The following SOX5 variants were observed in gnomAD, a reference collection of about 807,000 sequenced individuals.
The protein encoded by SOX5 is transcription factor SOX-5.
A neutral mutation model predicts 92.0 loss-of-function variants in SOX5; 9 were observed. The ratio of observed to expected loss-of-function variants is 0.10; its 90% CI spans 0.06 to 0.17. SOX5 has a LOEUF of 0.17. SOX5 is among the 10% of genes least tolerant of loss of function. The pLI, the probability that SOX5 is intolerant of heterozygous loss-of-function variation, is 1.00. For missense variants in SOX5, 642 were observed against 944.5 expected, an observed-to-expected ratio of 0.68 and a Z score of 4.20; for synonymous variants, 344 against 336.3, an observed-to-expected ratio of 1.02 and a Z score of -0.25.
At chr12:24,524,367 C>G (rs1052557829) in intron 1 of SOX5, among the ~76,000 whole-genome samples, 3 of 151,876 alleles carry the variant, frequency 2.0e-5, no homozygotes, top group African/African-American at 7.3e-5. Context: ...ATCTATCTAT[C>G]TATCTATCTA....
At chr12:24,028,748 T>C (rs924162333) in intron 4 of SOX5, among the ~76,000 whole-genome samples, 4 of 152,052 alleles carry the variant, frequency 2.6e-5, no homozygotes, top group South Asian at 2.1e-4. Flanking sequence ...CTGTGAATGA[T>C]TGAAGACTGA....
intron 4 of SOX5, among the ~76,000 whole-genome samples, chr12:23,966,347 C>T (rs536422877): frequency 1.3e-4 from 19 of 150,414 alleles, no homozygotes; most frequent in Non-Finnish European, 2.8e-4. Context: ...AAATTTTGTT[C>T]AGTAACTGTC....
In SOX5 at chr12:24,444,221, A is replaced by G. The variant is rs553974671; in HGVS notation, c.-250-75582T>C. On this transcript the variant is annotated intron_variant, in intron 1 of 4. Coordinates refer to the SOX5 transcript ENST00000446891. ...TTAAAGGTGCATTTAAAGTTTGAACAGAAGAAACTAGCATTTACTAAGTAC... is the reference window on the plus strand; with the variant it reads ...TTAAAGGTGCATTTAAAGTTTGAACGGAAGAAACTAGCATTTACTAAGTAC... 4.6e-5 allele frequency among the ~76,000 whole-genome samples: 7 copies of G among 152,262 alleles called. No individual in the cohort carries two copies. The South Asian group carries it at 1.2e-3, about 27-fold the overall frequency.
Position 23,811,926 on chromosome 12 carries a change from A to G in SOX5, c.481+34057T>C, listed in dbSNP as rs987122279. On this transcript the variant is annotated intron_variant, in intron 3 of 14. Transcript: ENST00000451604. ...TATCTCTTTGTTAACTTCAGAATAT[A>G]TGAAAAGCTTAGTCAATAAAAACCA... Among the ~76,000 whole-genome samples, 5 of 152,144 alleles carry G rather than the reference A, an allele frequency of 3.3e-5. No homozygotes were observed. In the South Asian group the frequency reaches 1.0e-3, roughly 31 times the overall value.
chr12:24,328,146 G>C (rs1002921052), intron 2 of SOX5, among the ~76,000 whole-genome samples: 1 of 152,150 alleles, frequency 6.6e-6, no homozygotes, highest in Non-Finnish European at 1.5e-5. Flanking sequence ...GTGCCATTTA[G>C]ACTATATTAT....
At chr12:23,830,168 C>T (rs1216323909) in intron 3 of SOX5, among the ~76,000 whole-genome samples, 1 of 152,174 alleles carries the variant, frequency 6.6e-6, no homozygotes, top group African/African-American at 2.4e-5. Context: ...ACTCAGCTAA[C>T]TCAGTGCTAA....
intron 3 of SOX5, among the ~76,000 whole-genome samples, chr12:24,242,893 T>C (rs1454187233): frequency 6.6e-6 from 1 of 152,174 alleles, no homozygotes; most frequent in African/African-American, 2.4e-5. Context: ...CTTAAGTGTA[T>C]ATGTACAAAA....
At chr12:24,209,530 C>T (rs1162558080) in intron 4 of SOX5, among the ~76,000 whole-genome samples, 1 of 151,842 alleles carries the variant, frequency 6.6e-6, no homozygotes, top group Admixed American at 6.6e-5. Flanking sequence ...AAAATCTAAG[C>T]CTAGATAACT....
chr12:23,534,423 T>C lies in SOX5; in HGVS notation c.2088A>G (p.Ser696=). ...MPSPHLPSEH[S]SVSSSPEPGM... The stretch of plus-strand genomic sequence containing the variant: ...CAGGCTCTGGGCTGCTAGACACGCT[T>C]GAGTGCTCCGAGGGCAGGTGAGGGG... Residue 696 remains serine (S), a synonymous_variant, in exon 15 of 15, where the codon TCA becomes TCG. Transcript: ENST00000451604. The C allele has an allele frequency of 6.2e-7, 1 of 1,614,110 alleles. No homozygotes were observed. Among genetic ancestry groups the C allele is most frequent in the East Asian group, 2.2e-5 (1 of 44,864 alleles).
intron 3 of SOX5, among the ~76,000 whole-genome samples, chr12:24,267,960 A>AG (rs1943231348): frequency 6.6e-6 from 1 of 152,178 alleles, no homozygotes; most frequent in Non-Finnish European, 1.5e-5. Flanking sequence ...AGCAAAAAAA[A>AG]CTGTACAGAA....
chr12:24,557,324 G>C (rs1953891593), intron 1 of SOX5, among the ~76,000 whole-genome samples: 2 of 151,140 alleles, frequency 1.3e-5, no homozygotes, highest in South Asian at 4.2e-4. Context: ...GGAGGCGGAG[G>C]GTTCAACATC....
intron 4 of SOX5, among the ~76,000 whole-genome samples, chr12:24,106,254 T>C (rs1216110717): frequency 1.3e-5 from 2 of 149,382 alleles, no homozygotes; most frequent in African/African-American, 2.5e-5. Context: ...AACAACCCAA[T>C]CAAAATGGGC....
intron 2 of SOX5, among the ~76,000 whole-genome samples, chr12:24,364,856 C>T (rs1289944758): frequency 1.3e-5 from 2 of 151,876 alleles, no homozygotes; most frequent in East Asian, 1.9e-4. Context: ...ACGTCTCAGT[C>T]GAAGCAAGAA....
intron 1 of SOX5, among the ~76,000 whole-genome samples, chr12:24,473,526 C>T (rs896996287): frequency 1.3e-5 from 2 of 152,238 alleles, no homozygotes; most frequent in Non-Finnish European, 1.5e-5. Flanking sequence ...ATTTGTGAAA[C>T]TTCACTATTT....
At chr12:23,994,796 T>C (rs1950883335) in intron 4 of SOX5, among the ~76,000 whole-genome samples, 1 of 152,148 alleles carries the variant, frequency 6.6e-6, no homozygotes, top group African/African-American at 2.4e-5. Context: ...TTCCCAAACC[T>C]TCACAGAAAA....
chr12:23,749,756 C>T (rs560741817), intron 4 of SOX5, among the ~76,000 whole-genome samples: 2 of 151,990 alleles, frequency 1.3e-5, no homozygotes, highest in African/African-American at 4.8e-5. Context: ...ACTTATTGTA[C>T]TTGAAATATA....
At chr12:23,685,151 A>G (rs1257630904) in intron 6 of SOX5, among the ~76,000 whole-genome samples, 1 of 152,130 alleles carries the variant, frequency 6.6e-6, no homozygotes, top group Non-Finnish European at 1.5e-5. Flanking sequence ...GGTTGTAGTG[A>G]CAGAAAATAG....
intron 3 of SOX5, among the ~76,000 whole-genome samples, chr12:23,766,295 T>C (rs919621161): frequency 6.6e-6 from 1 of 152,118 alleles, no homozygotes; most frequent in East Asian, 1.9e-4. Context: ...TTAAACTACA[T>C]GGATAAGAAT....
At chr12:24,507,839 G>A (rs2138255084) in intron 1 of SOX5, among the ~76,000 whole-genome samples, 1 of 152,034 alleles carries the variant, frequency 6.6e-6, no homozygotes, top group Middle Eastern at 3.4e-3. Context: ...ATCTAACATT[G>A]AATATAATAA....
Sources: allele counts gnomAD v4.1 joint callset (sites outside exome capture counted in the v4.1 genomes callset), GRCh38; gene constraint gnomAD v4.1.1; transcripts MANE v1.5; gene names NCBI Gene and HGNC (gene_info 2026-07-23, HGNC 2026-07-21).